LSAMP: variants seen among roughly 807,000 people sequenced by gnomAD.
LSAMP encodes limbic system associated membrane protein, also known as limbic system-associated membrane protein.
In LSAMP, 7 loss-of-function variants were observed where a neutral mutation model predicts 38.6. The ratio of observed to expected loss-of-function variants is 0.18; its 90% CI spans 0.10 to 0.34. The LOEUF (loss-of-function observed/expected upper bound fraction) is 0.34, where lower values mean the gene tolerates loss of function less well. Among genes scored for constraint, LSAMP ranks in the 10% least tolerant of loss-of-function variants. The probability of loss-of-function intolerance (pLI) is 1.00; values close to 1 mark genes in which losing one functional copy is unlikely to be tolerated. For synonymous variants in LSAMP, 154 were observed against 166.8 expected, an observed-to-expected ratio of 0.92 and a Z score of 0.59; for missense variants, 313 against 420.0, an observed-to-expected ratio of 0.75 and a Z score of 2.23.
rs191529331 is a variant in LSAMP at position 115,994,470 on chromosome 3, A to G, written c.514+25045T>C. Among the ~76,000 whole-genome samples, 6 of 152,168 alleles carry G rather than the reference A, an allele frequency of 3.9e-5. No individual in the cohort carries two copies. In the East Asian group the frequency reaches 9.7e-4, roughly 25 times the overall value. On this transcript the variant is annotated intron_variant, in intron 3 of 6. Transcript: ENST00000490035. ...AATTATTTAATTATAAAAAGTCATGATCTTTGTGATCCTTTCATGAAGCTT... is the reference window on the plus strand; with the variant it reads ...AATTATTTAATTATAAAAAGTCATGGTCTTTGTGATCCTTTCATGAAGCTT...
At chr3:116,333,489 G>A (rs570617634) in intron 1 of LSAMP, among the ~76,000 whole-genome samples, 12 of 149,666 alleles carry the variant, frequency 8.0e-5, no homozygotes, top group South Asian at 2.1e-4. Context: ...AGCAAGGATC[G>A]TGCCACTGCA....
intron 1 of LSAMP, among the ~76,000 whole-genome samples, chr3:116,097,410 T>C (rs1409054994): frequency 6.6e-6 from 1 of 152,206 alleles, no homozygotes. Flanking sequence ...CCTTACTTTA[T>C]AGTCTTGTCA....
At chr3:116,071,960 T>C (rs1002936334) in intron 2 of LSAMP, among the ~76,000 whole-genome samples, 7 of 151,272 alleles carry the variant, frequency 4.6e-5, no homozygotes, top group African/African-American at 1.7e-4. Flanking sequence ...TAGTATTCCA[T>C]GGTGTATATG....
At chr3:116,366,928 A>G (rs572655488) in intron 1 of LSAMP, among the ~76,000 whole-genome samples, 111 of 152,250 alleles carry the variant, frequency 7.3e-4, no homozygotes, top group Non-Finnish European at 1.4e-3. Flanking sequence ...TTCACAAAAT[A>G]TGGGTGGTAG....
intron 3 of LSAMP, among the ~76,000 whole-genome samples, chr3:115,996,936 C>G (rs1247454869): frequency 6.6e-6 from 1 of 152,028 alleles, no homozygotes; most frequent in East Asian, 1.9e-4. Context: ...TATTGCTGGC[C>G]TTTTCCAAGG....
In LSAMP at chr3:115,852,070, A is replaced by C. The variant is rs79496205; in HGVS notation, c.649+413T>G. Among the ~76,000 whole-genome samples the C allele has an allele frequency of 7.6e-3, 1,163 of 152,330 alleles. 17 individuals are homozygous for C. Among genetic ancestry groups the C allele is most frequent in the African/African-American group, 0.026 (1,065 of 41,576 alleles). The stretch of plus-strand genomic sequence containing the variant: ...GCCAATTATTTAAATAGCAGAGGAT[A>C]AAATATAATCTTGAGGCATTCCCTC... On this transcript the variant is annotated intron_variant, in intron 4 of 6. Transcript: ENST00000490035.
chr3:115,953,404 T>TACACACACACACACACACACACACACAC (rs71616336), intron 3 of LSAMP, among the ~76,000 whole-genome samples: 4 of 143,594 alleles, frequency 2.8e-5, no homozygotes, highest in Non-Finnish European at 3.0e-5. Flanking sequence ...GTAGTGTGCG[T>TACACACACACACACACACACACACACAC]ACACACACAC....
intron 1 of LSAMP, among the ~76,000 whole-genome samples, chr3:116,341,686 G>A (rs2047997295): frequency 6.6e-6 from 1 of 151,962 alleles, no homozygotes; most frequent in Admixed American, 6.6e-5. Flanking sequence ...GGCTGCCAAA[G>A]GGGCTGATGC....
At chr3:116,178,876 G>A (rs1452411521) in intron 1 of LSAMP, among the ~76,000 whole-genome samples, 8 of 152,132 alleles carry the variant, frequency 5.3e-5, no homozygotes, top group Non-Finnish European at 1.2e-4. Flanking sequence ...AGTGCTATAT[G>A]ATCTCACTGT....
At chr3:116,130,855 C>A (rs1709110706) in intron 1 of LSAMP, among the ~76,000 whole-genome samples, 1 of 152,024 alleles carries the variant, frequency 6.6e-6, no homozygotes. Context: ...CTTTTCCTCT[C>A]TTTTCCTCCT....
intron 1 of LSAMP, among the ~76,000 whole-genome samples, chr3:116,296,378 A>G (rs1233600690): frequency 2.0e-5 from 3 of 152,122 alleles, no homozygotes; most frequent in African/African-American, 7.3e-5. Flanking sequence ...GGAGTGTCCA[A>G]CAGGGTTCTT....
chr3:115,822,320 T>C (rs1470932182), intron 6 of LSAMP, among the ~76,000 whole-genome samples: 1 of 151,702 alleles, frequency 6.6e-6, no homozygotes, highest in Admixed American at 6.6e-5. Flanking sequence ...CTTCCTATAT[T>C]TTTTTCTTTT....
intron 4 of LSAMP, among the ~76,000 whole-genome samples, chr3:115,851,123 G>A (rs755221039): frequency 3.3e-5 from 5 of 151,978 alleles, no homozygotes; most frequent in Non-Finnish European, 7.4e-5. Flanking sequence ...ACAGGCACCC[G>A]CCACCACACC....
At chr3:116,125,085 G>C (rs2107493618) in intron 1 of LSAMP, among the ~76,000 whole-genome samples, 1 of 152,134 alleles carries the variant, frequency 6.6e-6, no homozygotes, top group Non-Finnish European at 1.5e-5. Flanking sequence ...TGCTCCTATT[G>C]CATGTGGTGC....
intron 3 of LSAMP, among the ~76,000 whole-genome samples, chr3:115,928,973 G>GTTTGTTTTTTTTTT (rs1553750016): frequency 9.1e-6 from 1 of 109,928 alleles, no homozygotes; most frequent in Non-Finnish European, 1.8e-5. Context: ...TTTTTTGTTT[G>GTTTGTTTTTTTTTT]TTTTTTTTTT....
intron 1 of LSAMP, among the ~76,000 whole-genome samples, chr3:116,381,174 G>C (rs1468057241): frequency 2.6e-5 from 4 of 151,948 alleles, no homozygotes; most frequent in Non-Finnish European, 5.9e-5. Flanking sequence ...ATTGATGCTT[G>C]TTTTATAGAA....
chr3:116,241,876 T>C (rs1344997281), intron 1 of LSAMP, among the ~76,000 whole-genome samples: 2 of 152,204 alleles, frequency 1.3e-5, no homozygotes, highest in African/African-American at 4.8e-5. Context: ...GGCATAGCCA[T>C]TGGAATTGGG....
chr3:116,200,086 C>CT (rs1444692778), intron 1 of LSAMP, among the ~76,000 whole-genome samples: 1 of 109,978 alleles, frequency 9.1e-6, no homozygotes, highest in African/African-American at 3.4e-5. Flanking sequence ...GTTTTTCAGT[C>CT]TTACTTTACA....
rs9875344 is a variant in LSAMP at position 115,940,323 on chromosome 3, G to T, written c.514+79192C>A. Among the ~76,000 whole-genome samples, 23 of 151,324 alleles carry T rather than the reference G, an allele frequency of 1.5e-4. No homozygotes were observed. In the East Asian group the frequency reaches 2.0e-3, roughly 13 times the overall value. ...TTGGCCCCGCCCACGTCCTACTGAT[G>T]GGTCCATTTTACAGAGTGCTGATTG... On this transcript the variant is annotated intron_variant, in intron 3 of 6. Coordinates refer to ENST00000490035, the MANE Select transcript of LSAMP (RefSeq NM_002338.5).
Sources: allele counts gnomAD v4.1 joint callset (sites outside exome capture counted in the v4.1 genomes callset), GRCh38; gene constraint gnomAD v4.1.1; transcripts MANE v1.5; gene names NCBI Gene and HGNC (gene_info 2026-07-23, HGNC 2026-07-21).